Variants in EARS2 observed in about 807,000 individuals in gnomAD.
EARS2 encodes the protein glutamyl-tRNA synthetase 2, mitochondrial.
EARS2 carries 50 observed loss-of-function variants against 54.1 expected under a neutral mutation model. That is an observed-to-expected ratio of 0.92 (90% CI 0.74 to 1.17). The LOEUF is 1.17. Among genes scored for constraint, EARS2 ranks in the 50% most tolerant of loss-of-function variants. EARS2 has a pLI of 0.00. For missense variants in EARS2, 673 were observed against 675.0 expected (o/e 1.00, Z 0.03); for synonymous variants, 298 against 281.0 (o/e 1.06, Z -0.61).
intron 3 of EARS2, among the ~76,000 whole-genome samples, chr16:23,541,954 G>C (rs1446677481): frequency 6.6e-6 from 1 of 151,896 alleles, no homozygotes; most frequent in African/African-American, 2.4e-5. Flanking sequence ...CGCCTCCCAG[G>C]TTCAAATTAT....
At chr16:23,546,669 C>T (rs1345648129) in intron 2 of EARS2, among the ~76,000 whole-genome samples, 1 of 152,254 alleles carries the variant, frequency 6.6e-6, no homozygotes, top group Non-Finnish European at 1.5e-5. Flanking sequence ...GATCCTCCCA[C>T]CTCAGCCTCC....
At chr16:23,556,969 TG>T (rs1458589888) in intron 1 of EARS2, 2 of 711,498 alleles carry the variant, frequency 2.8e-6, no homozygotes, top group South Asian at 1.5e-5. Context: ...ATGGAATGCA[TG>T]AAAAAAAGAT....
chr16:23,529,453 G>A (rs1331567924), intron 7 of EARS2, 49 bp downstream of exon 7: 3 of 1,592,070 alleles, frequency 1.9e-6, no homozygotes, highest in Non-Finnish European at 2.6e-6. Context: ...ATGGGACAGA[G>A]AGAGGGAAGG....
At position 23,552,161 on chromosome 16, in the gene EARS2, G is replaced by C; in HGVS notation, c.283C>G (p.Leu95Val). 6.2e-7 allele frequency: 1 copy of C among 1,613,888 alleles called. No homozygotes were observed. Among genetic ancestry groups the C allele is most frequent in the Non-Finnish European group, 8.5e-7 (1 of 1,179,854 alleles). The change falls in exon 2 of 9, where the codon CTG becomes GTG. Residue 95 changes from leucine (L) to valine (V), a missense_variant. Physicochemically the swap from Leu to Val is conservative, Grantham distance 32. Transcript: ENST00000449606. ...PGAAENIEDMLEWAGIPPDES... is the reference protein window; with the variant it reads ...PGAAENIEDMVEWAGIPPDES... ...CTGCCAGGCTTACCTGCCCACTCCA[G>C]CATGTCCTCAATATTCTCCGCTGCC...
intron 3 of EARS2, among the ~76,000 whole-genome samples, chr16:23,543,042 G>A (rs1965540958): frequency 6.7e-6 from 1 of 149,436 alleles, no homozygotes; most frequent in Non-Finnish European, 1.5e-5. Context: ...TTGAACCCGG[G>A]AGGTGGAGAC....
In EARS2 at chr16:23,529,804, C is replaced by T; in HGVS notation, c.1161G>A (p.Gln387=). Residue 387 remains glutamine (Q), a synonymous_variant, in exon 6 of 9, where the codon CAG becomes CAA. Coordinates refer to ENST00000449606, the MANE Select transcript of EARS2 (RefSeq NM_001083614.2). ...QVLVEEAFGC[Q]LQNRDVLNPV... ...GGTTGAGGACATCCCTGTTTTGCAG[C>T]TGGCAACCAAAGGCCTCCTCCACAA... 2 of 1,614,176 alleles carry T rather than the reference C, an allele frequency of 1.2e-6. No individual in the cohort carries two copies. The highest frequency in any genetic ancestry group is 1.7e-6 in the Non-Finnish European group (2 of 1,180,038).
intron 3 of EARS2, among the ~76,000 whole-genome samples, chr16:23,542,512 C>T (rs1323637396): frequency 1.3e-5 from 2 of 151,534 alleles, no homozygotes; most frequent in Admixed American, 6.6e-5. Flanking sequence ...GACGGGGTTT[C>T]ACCACATTGG....
chr16:23,557,118 C>T, intron 1 of EARS2, 87 bp downstream of exon 1: 1 of 1,472,494 alleles, frequency 6.8e-7, no homozygotes, highest in Non-Finnish European at 8.9e-7. Flanking sequence ...ACTCTGACAC[C>T]ACCGGAAAGG....
At chr16:23,556,484 A>C (rs963438802) in intron 1 of EARS2, among the ~76,000 whole-genome samples, 1 of 152,200 alleles carries the variant, frequency 6.6e-6, no homozygotes, top group African/African-American at 2.4e-5. Flanking sequence ...CCTCCCAAGT[A>C]GCTGGGATTA....
intron 3 of EARS2, chr16:23,537,237 C>T (rs1965435434): frequency 6.4e-6 from 1 of 156,438 alleles, no homozygotes. Flanking sequence ...CGGCAGTAAA[C>T]ATAATAACAT....
intron 4 of EARS2, among the ~76,000 whole-genome samples, chr16:23,533,657 G>A (rs1459689361): frequency 6.6e-6 from 1 of 152,222 alleles, no homozygotes; most frequent in Non-Finnish European, 1.5e-5. Context: ...CTGCAGAACA[G>A]TACGCCCATT....
chr16:23,543,149 T>C (rs1452431563), intron 3 of EARS2, among the ~76,000 whole-genome samples: 2 of 139,912 alleles, frequency 1.4e-5, no homozygotes, highest in African/African-American at 5.4e-5. Context: ...TCAGGTGCAG[T>C]GGCTCACATC....
At position 23,522,863 on chromosome 16, in the gene EARS2, T is replaced by C. The variant is rs2142156263; in HGVS notation, c.*1508A>G. On this transcript the variant is annotated 3_prime_UTR_variant, in exon 9 of 9. Transcript: ENST00000449606. ...GCTAGGATTGCGGTCATGTGAATGC[T>C]TGGCTGGAATTGAAGGACCAGCTTT... The C allele has an allele frequency of 6.6e-6, 1 of 152,332 alleles. No homozygotes were observed. Among genetic ancestry groups the C allele is most frequent in the East Asian group, 1.9e-4 (1 of 5,186 alleles). The allele number at this position is 152,332 out of a possible 1,614,324, so 9.4% of individuals were successfully genotyped here. A position where few individuals can be genotyped will look rare whatever the true frequency, so the allele number is the denominator to read the frequency against.
At chr16:23,551,394 T>C (rs1363575750) in intron 2 of EARS2, among the ~76,000 whole-genome samples, 3 of 152,120 alleles carry the variant, frequency 2.0e-5, no homozygotes, top group Non-Finnish European at 4.4e-5. Context: ...AGCAGGAGGA[T>C]TGCTTGAGCC....
At chr16:23,552,879 G>A in intron 1 of EARS2, 1 of 175,588 alleles carries the variant, frequency 5.7e-6, no homozygotes, top group South Asian at 9.1e-5. Context: ...ATCTGCCTTG[G>A]CTTCCCAAAG....
chr16:23,544,748 G>C, intron 2 of EARS2, 45 bp from the exon 3 acceptor site: 2 of 1,505,406 alleles, frequency 1.3e-6, no homozygotes, highest in Non-Finnish European at 1.8e-6. Flanking sequence ...CACAGCGCTC[G>C]TTCTCAGGCA....
intron 4 of EARS2, 61 bp from the exon 5 acceptor site, chr16:23,532,826 C>A: frequency 8.0e-7 from 1 of 1,250,838 alleles, no homozygotes; most frequent in Non-Finnish European, 1.1e-6. Flanking sequence ...TCCACTTTAT[C>A]TCTTTTTTTT....
At position 23,549,266 on chromosome 16, in the gene EARS2, C is replaced by T. The variant is rs1597025263; in HGVS notation, c.295+2883G>A. Among the ~76,000 whole-genome samples the T allele has an allele frequency of 3.3e-5, 5 of 152,220 alleles. 1 individual carries two copies. In the South Asian group the frequency reaches 1.0e-3, roughly 32 times the overall value. On this transcript the variant is annotated intron_variant, in intron 2 of 8. Coordinates refer to ENST00000449606, the MANE Select transcript of EARS2 (RefSeq NM_001083614.2). The stretch of plus-strand genomic sequence containing the variant: ...GGAGCTCCACAACTGATGGTATTTC[C>T]CAAGTTTTTGGGTGCCACCATGTTC...
rs1341515738 is a variant in EARS2 at position 23,522,636 on chromosome 16, A to G, written c.*1735T>C. 1 of 152,216 alleles carries G rather than the reference A, an allele frequency of 6.6e-6. No homozygotes were observed. The highest frequency in any genetic ancestry group is 1.5e-5 in the Non-Finnish European group (1 of 68,046). 9.4% of individuals were successfully genotyped at this position (152,216 alleles called of 1,614,324 possible). On this transcript the variant is annotated 3_prime_UTR_variant, in exon 9 of 9. Coordinates refer to ENST00000449606, the MANE Select transcript of EARS2 (RefSeq NM_001083614.2). ...CAAAGACTAGGACTCTATGGGGCTC[A>G]ACAAACTCTGTAATCGCCTTTCCAC...
Sources: gnomAD v4.1 joint callset for allele counts (sites outside exome capture counted in the v4.1 genomes callset) on GRCh38, gnomAD v4.1.1 for gene constraint, MANE v1.5 for transcripts, NCBI Gene and HGNC (gene_info 2026-07-23, HGNC 2026-07-21) for gene names.